The following LRRC3B variants were observed in gnomAD, a reference collection of about 807,000 sequenced individuals.
The protein encoded by LRRC3B is leucine-rich repeat-containing protein 3B.
LRRC3B carries 2 observed loss-of-function variants against 12.8 expected under a neutral mutation model. That is an observed-to-expected ratio of 0.16 (90% confidence interval 0.06 to 0.49). LRRC3B has a LOEUF of 0.49. Ranked by LOEUF, LRRC3B falls within the 20% of genes least tolerant of loss-of-function variation. The pLI is 0.96. For synonymous variants in LRRC3B, 132 were observed against 122.0 expected (o/e 1.08, Z -0.54); for missense variants, 189 against 319.4 (o/e 0.59, Z 3.11).
At chr3:26,659,660 C>A (rs1575135786) in intron 1 of LRRC3B, among the ~76,000 whole-genome samples, 2 of 152,068 alleles carry the variant, frequency 1.3e-5, no homozygotes, top group Admixed American at 1.3e-4. Flanking sequence ...CTGGTTTTGC[C>A]TGGGACACAC....
intron 1 of LRRC3B, among the ~76,000 whole-genome samples, chr3:26,646,618 A>ACGG (rs1699153386): frequency 3.1e-5 from 2 of 64,272 alleles, no homozygotes; most frequent in Non-Finnish European, 4.4e-5. Context: ...AAAAAAAAAA[A>ACGG]AAAAAAAAAA....
At chr3:26,656,994 C>G (rs11712652) in intron 1 of LRRC3B, among the ~76,000 whole-genome samples, 62,460 of 152,008 alleles carry the variant, frequency 0.41, 13,368 homozygotes, top group Middle Eastern at 0.49. Flanking sequence ...GATGCAAAAA[C>G]TTTTTCTATT....
chr3:26,706,374 G>A (rs971317892), intron 1 of LRRC3B, among the ~76,000 whole-genome samples: 2 of 152,148 alleles, frequency 1.3e-5, no homozygotes, highest in Non-Finnish European at 2.9e-5. Flanking sequence ...CTTTATTCTG[G>A]CTGGGGGTGA....
At chr3:26,700,024 T>C (rs1385843499) in intron 1 of LRRC3B, among the ~76,000 whole-genome samples, 2 of 152,180 alleles carry the variant, frequency 1.3e-5, no homozygotes, top group Non-Finnish European at 2.9e-5. Flanking sequence ...TGAAGATCCA[T>C]AAGCACTAGA....
intron 1 of LRRC3B, among the ~76,000 whole-genome samples, chr3:26,665,898 A>C (rs1173228851): frequency 1.3e-5 from 2 of 152,182 alleles, no homozygotes; most frequent in African/African-American, 4.8e-5. Context: ...AAATAAATAT[A>C]AGAGAGCTAA....
intron 1 of LRRC3B, among the ~76,000 whole-genome samples, chr3:26,692,315 C>G (rs545002302): frequency 2.0e-5 from 3 of 152,254 alleles, no homozygotes; most frequent in South Asian, 4.2e-4. Flanking sequence ...TGGTCTTAAC[C>G]CCTGGACTAT....
chr3:26,633,100 A>G (rs907111796), intron 1 of LRRC3B, among the ~76,000 whole-genome samples: 5 of 152,116 alleles, frequency 3.3e-5, no homozygotes, highest in Admixed American at 6.6e-5. Context: ...GCTCTTTCAC[A>G]TCTGCCTCCA....
At chr3:26,682,679 C>A (rs1699995591) in intron 1 of LRRC3B, among the ~76,000 whole-genome samples, 1 of 152,172 alleles carries the variant, frequency 6.6e-6, no homozygotes, top group Non-Finnish European at 1.5e-5. Context: ...GGCTGTCATT[C>A]ACTTTTAAGT....
At chr3:26,647,787 G>A (rs1421331381) in intron 1 of LRRC3B, among the ~76,000 whole-genome samples, 1 of 152,184 alleles carries the variant, frequency 6.6e-6, no homozygotes, top group African/African-American at 2.4e-5. Flanking sequence ...GAATTTGCAG[G>A]TGTAAACTTC....
At chr3:26,668,579 G>A (rs952746855) in intron 1 of LRRC3B, among the ~76,000 whole-genome samples, 4 of 152,182 alleles carry the variant, frequency 2.6e-5, no homozygotes, top group Non-Finnish European at 5.9e-5. Context: ...CATTTTCCAA[G>A]AATCTGGGTT....
At chr3:26,708,492 A>G (rs964897282) in intron 1 of LRRC3B, among the ~76,000 whole-genome samples, 2 of 148,974 alleles carry the variant, frequency 1.3e-5, no homozygotes, top group African/African-American at 4.8e-5. Flanking sequence ...CTACACCTCA[A>G]TCTGTTTGAC....
intron 1 of LRRC3B, among the ~76,000 whole-genome samples, chr3:26,640,680 C>A (rs560993587): frequency 6.6e-6 from 1 of 152,118 alleles, no homozygotes; most frequent in Non-Finnish European, 1.5e-5. Flanking sequence ...AGAGAGCTTG[C>A]AGTTGTAGGA....
At chr3:26,686,913 CCCA>C (rs1309621882) in intron 1 of LRRC3B, among the ~76,000 whole-genome samples, 1 of 152,176 alleles carries the variant, frequency 6.6e-6, no homozygotes. Flanking sequence ...TTCATCCTCC[CCCA>C]CTGGTCAGTC....
intron 1 of LRRC3B, among the ~76,000 whole-genome samples, chr3:26,649,602 C>T (rs144644931): frequency 1.7e-4 from 26 of 152,216 alleles, no homozygotes; most frequent in East Asian, 9.6e-4. Context: ...CAACTTAGAC[C>T]TTAACACTTT....
At chr3:26,656,588 A>AC (rs1699376518) in intron 1 of LRRC3B, among the ~76,000 whole-genome samples, 1 of 152,220 alleles carries the variant, frequency 6.6e-6, no homozygotes, top group African/African-American at 2.4e-5. Flanking sequence ...ACATGGCTAC[A>AC]CCTAATTGCA....
At chr3:26,697,658 A>G (rs544335203) in intron 1 of LRRC3B, among the ~76,000 whole-genome samples, 4 of 152,278 alleles carry the variant, frequency 2.6e-5, no homozygotes, top group Admixed American at 6.5e-5. Context: ...TATATTAATC[A>G]TATTCAAACA....
chr3:26,646,161 C>T (rs1415324934), intron 1 of LRRC3B, among the ~76,000 whole-genome samples: 1 of 152,200 alleles, frequency 6.6e-6, no homozygotes, highest in Non-Finnish European at 1.5e-5. Context: ...ATAGAAATCT[C>T]CTCATTTGTT....
chr3:26,695,432 C>G, intron 1 of LRRC3B, among the ~76,000 whole-genome samples: 1 of 152,190 alleles, frequency 6.6e-6, no homozygotes, highest in South Asian at 2.1e-4. Flanking sequence ...GAGGCCGAGG[C>G]AGGAGAATGG....
intron 1 of LRRC3B, among the ~76,000 whole-genome samples, chr3:26,681,043 T>C (rs1356623277): frequency 1.3e-5 from 2 of 152,222 alleles, no homozygotes; most frequent in East Asian, 1.9e-4. Flanking sequence ...AACTGAATTA[T>C]TGTGGTCTGG....
Sources: allele counts gnomAD v4.1 joint callset (sites outside exome capture counted in the v4.1 genomes callset), GRCh38; gene constraint gnomAD v4.1.1; transcripts MANE v1.5; gene names NCBI Gene and HGNC (gene_info 2026-07-23, HGNC 2026-07-21).